CDKL1: variants seen among roughly 807,000 people sequenced by gnomAD.
CDKL1 encodes the protein cyclin-dependent kinase-like 1.
A neutral mutation model predicts 42.0 loss-of-function variants in CDKL1; 41 were observed. That is an observed-to-expected ratio of 0.98 (90% CI 0.76 to 1.27). The LOEUF (loss-of-function observed/expected upper bound fraction) is 1.27, where lower values mean the gene tolerates loss of function less well. Ranked by LOEUF, CDKL1 falls within the 50% of genes most tolerant of loss-of-function variation. The pLI, the probability that CDKL1 is intolerant of heterozygous loss-of-function variation, is 0.00. For missense variants in CDKL1, 394 were observed against 428.4 expected (o/e 0.92, Z 0.71); for synonymous variants, 153 against 158.6 (o/e 0.96, Z 0.26).
intron 2 of CDKL1, among the ~76,000 whole-genome samples, chr14:50,377,100 T>C (rs2034755184): frequency 6.6e-6 from 1 of 152,212 alleles, no homozygotes; most frequent in South Asian, 2.1e-4. Context: ...CTCTTTTGTC[T>C]TGTTTCCCAT....
intron 2 of CDKL1, chr14:50,363,367 C>A (rs1201189193): frequency 6.3e-6 from 1 of 159,712 alleles, no homozygotes; most frequent in African/African-American, 2.4e-5. Context: ...CCTGAACTAA[C>A]ATTCTCCAAA....
Position 50,378,235 on chromosome 14 carries a change from GTCC to G in CDKL1, c.168+17463_168+17465del, listed in dbSNP as rs781196056. 2.2e-6 allele frequency: 3 copies of G among 1,366,386 alleles called. No individual in the cohort carries two copies. In the African/African-American group the frequency reaches 4.4e-5, roughly 20 times the overall value. 84.6% of individuals were successfully genotyped at this position (1,366,386 alleles called of 1,614,324 possible). A position where few individuals can be genotyped will look rare whatever the true frequency, so the allele number is the denominator to read the frequency against. On this transcript the variant is annotated intron_variant, in intron 2 of 9. Transcript: ENST00000395834. Reference sequence around the variant, plus strand: ...GTGCCTCCTTAGGAGGGGGATGCCTGTCCTCCTTAGATTCTACCCCACCTCCTT... The same window carrying G: ...GTGCCTCCTTAGGAGGGGGATGCCTGTCCTTAGATTCTACCCCACCTCCTT...
chr14:50,343,251 G>A (rs373466514), intron 4 of CDKL1, among the ~76,000 whole-genome samples: 1 of 148,342 alleles, frequency 6.7e-6, no homozygotes, highest in Non-Finnish European at 1.5e-5. Context: ...GGAGGAGAAT[G>A]CTAGATCGTT....
intron 7 of CDKL1, chr14:50,336,187 CT>C: frequency 7.4e-7 from 1 of 1,358,166 alleles, no homozygotes; most frequent in Non-Finnish European, 9.8e-7. Flanking sequence ...GCAAGCAGGC[CT>C]CCCTCTGTCA....
chr14:50,360,784 G>T (rs1380221334), intron 2 of CDKL1, among the ~76,000 whole-genome samples: 2 of 109,258 alleles, frequency 1.8e-5, no homozygotes, highest in Admixed American at 2.2e-4. Context: ...ACGTGTGTGT[G>T]TTTGTGTGTG....
At chr14:50,345,973 C>A (rs777208730) in intron 3 of CDKL1, among the ~76,000 whole-genome samples, 1 of 152,192 alleles carries the variant, frequency 6.6e-6, no homozygotes, top group East Asian at 1.9e-4. Flanking sequence ...AAGAAACGAA[C>A]CACAGAGAGA....
At position 50,395,707 on chromosome 14, in the gene CDKL1, C is replaced by T. The variant is rs754934547; in HGVS notation, c.162G>A (p.Met54Ile). ...GGAAAAGTGAATCAATTACCTTGAG[C>T]ATTCGGATTTCCCGAAGGGCAATTT... ...IKKIALREIR[M>I]LKQLKHPNLV... is the part of the protein sequence containing the mutation. The change falls in exon 2 of 10, where the codon ATG becomes ATA. Residue 54 changes from methionine to isoleucine, a missense_variant. Met to Ile is a conservative substitution (Grantham distance 10). Coordinates refer to ENST00000395834, the MANE Select transcript of CDKL1 (RefSeq NM_004196.7). 7 of 1,605,196 alleles carry T rather than the reference C, an allele frequency of 4.4e-6. No homozygotes were observed. In the South Asian group the frequency reaches 6.6e-5, roughly 15 times the overall value.
At chr14:50,345,091 TTAGTG>T in intron 3 of CDKL1, 33 bp from the exon 4 acceptor site, 2 of 1,593,940 alleles carry the variant, frequency 1.3e-6, no homozygotes, top group Non-Finnish European at 1.7e-6. Context: ...AACACATTCT[TTAGTG>T]TAGCCATGGA....
chr14:50,348,718 A>G (rs2033806617), intron 3 of CDKL1, among the ~76,000 whole-genome samples: 1 of 152,260 alleles, frequency 6.6e-6, no homozygotes, highest in African/African-American at 2.4e-5. Flanking sequence ...AACTATGAGC[A>G]TATAACCAGA....
At position 50,326,291 on chromosome 14, in the gene CDKL1, A is replaced by C. The variant is rs2032699700; in HGVS notation, c.*3783T>G. On this transcript the variant is annotated 3_prime_UTR_variant, in exon 10 of 10. Coordinates refer to ENST00000395834, the MANE Select transcript of CDKL1 (RefSeq NM_004196.7). ...TTTAATTCTAATATATTCATTTAAT[A>C]TGTAAATCTATAGATATCTCTTGAT... 7 of 477,780 alleles carry C rather than the reference A, an allele frequency of 1.5e-5. No homozygotes were observed. The South Asian group carries it at 3.6e-4, about 25-fold the overall frequency. 29.6% of individuals were successfully genotyped at this position (477,780 alleles called of 1,614,324 possible).
Position 50,341,182 on chromosome 14 carries a change from A to T in CDKL1, c.505T>A (p.Ser169Thr). ...GTGTCCCCCACCAGCAGCTCAGGGGAGCGGTACCACCTGGTAGCCACGTAG... is the reference window on the plus strand; with the variant it reads ...GTGTCCCCCACCAGCAGCTCAGGGGTGCGGTACCACCTGGTAGCCACGTAG... ...TDYVATRWYRSPELLVGDTQY... is the reference protein window; with the variant it reads ...TDYVATRWYRTPELLVGDTQY... The change falls in exon 6 of 10, where the codon TCC (serine) becomes ACC (threonine). Residue 169 changes from serine to threonine, a missense_variant. Ser to Thr is a moderately conservative substitution (Grantham distance 58, BLOSUM62 1). Coordinates refer to ENST00000395834, the MANE Select transcript of CDKL1 (RefSeq NM_004196.7). 1 of 1,614,078 alleles carries T rather than the reference A, an allele frequency of 6.2e-7. No individual in the cohort carries two copies. Among genetic ancestry groups the T allele is most frequent in the South Asian group, 1.1e-5 (1 of 91,070 alleles).
intron 2 of CDKL1, chr14:50,390,077 T>G (rs2035209175): frequency 2.0e-6 from 2 of 1,000,514 alleles, no homozygotes; most frequent in African/African-American, 3.3e-5. Flanking sequence ...GCATCCTAAG[T>G]AACAATGATA....
chr14:50,339,181 C>T (rs2033417261), intron 6 of CDKL1, 152 bp from the exon 7 acceptor site: 1 of 628,250 alleles, frequency 1.6e-6, no homozygotes, highest in African/African-American at 1.8e-5. Flanking sequence ...AGGCAACCCA[C>T]AGCAACCTGT....
intron 2 of CDKL1, among the ~76,000 whole-genome samples, chr14:50,391,663 G>T (rs1474194295): frequency 1.3e-5 from 2 of 152,174 alleles, no homozygotes; most frequent in African/African-American, 4.8e-5. Flanking sequence ...GATTACAGGC[G>T]TGAGCCACCA....
chr14:50,387,677 T>A (rs897970887), intron 2 of CDKL1, among the ~76,000 whole-genome samples: 7 of 152,194 alleles, frequency 4.6e-5, no homozygotes, highest in Admixed American at 6.5e-5. Flanking sequence ...CCCTCATTTA[T>A]GTTAACAGTG....
At chr14:50,380,774 C>T (rs7142232) in intron 2 of CDKL1, among the ~76,000 whole-genome samples, 61,041 of 150,340 alleles carry the variant, frequency 0.41, 12,490 homozygotes, top group East Asian at 0.61. Flanking sequence ...TTCTAGGAGT[C>T]CAATGGCCTG....
chr14:50,359,657 C>T (rs894444572), intron 2 of CDKL1, among the ~76,000 whole-genome samples: 2 of 151,968 alleles, frequency 1.3e-5, no homozygotes, highest in East Asian at 1.9e-4. Context: ...ATAGAATATA[C>T]GAACGACGGC....
chr14:50,353,800 A>G (rs922615282), intron 3 of CDKL1, among the ~76,000 whole-genome samples: 15 of 152,096 alleles, frequency 9.9e-5, no homozygotes, highest in African/African-American at 3.6e-4. Context: ...GGAGGCTGGA[A>G]CAGGAGGATC....
intron 9 of CDKL1, chr14:50,330,901 T>C (rs2032901156): frequency 1.3e-5 from 2 of 151,342 alleles, no homozygotes; most frequent in Admixed American, 1.3e-4. Context: ...AAAAGTGCTT[T>C]TTAGTACTTT....
Sources: gnomAD v4.1 joint callset for allele counts (sites outside exome capture counted in the v4.1 genomes callset) on GRCh38, gnomAD v4.1.1 for gene constraint, MANE v1.5 for transcripts, NCBI Gene and HGNC (gene_info 2026-07-23, HGNC 2026-07-21) for gene names.